ITGA9: variants seen among roughly 807,000 people sequenced by gnomAD.
ITGA9 encodes the protein integrin alpha-9.
ITGA9 carries 56 observed loss-of-function variants against 127.8 expected under a neutral mutation model. The ratio of observed to expected loss-of-function variants is 0.44; its 90% CI spans 0.35 to 0.55. The LOEUF (loss-of-function observed/expected upper bound fraction) is 0.55. Ranked by LOEUF, ITGA9 falls within the 20% of genes least tolerant of loss-of-function variation. ITGA9 has a pLI of 0.00. For synonymous variants in ITGA9, 508 were observed against 514.5 expected, an observed-to-expected ratio of 0.99 and a Z score of 0.17; for missense variants, 1,196 against 1,347.1, an observed-to-expected ratio of 0.89 and a Z score of 1.76.
intron 18 of ITGA9, among the ~76,000 whole-genome samples, chr3:37,701,610 C>T (rs1425977139): frequency 1.3e-5 from 2 of 152,096 alleles, no homozygotes; most frequent in African/African-American, 2.4e-5. Context: ...ACACTTCTGG[C>T]CTGTTGTTTG....
chr3:37,475,903 T>G (rs1283177250), intron 3 of ITGA9, among the ~76,000 whole-genome samples: 3 of 152,384 alleles, frequency 2.0e-5, no homozygotes, highest in Non-Finnish European at 1.5e-5. Context: ...TGTATTTCTA[T>G]TAAGAGTTTG....
chr3:37,526,766 G>A (rs1699097444), intron 13 of ITGA9, among the ~76,000 whole-genome samples: 1 of 152,226 alleles, frequency 6.6e-6, no homozygotes, highest in Non-Finnish European at 1.5e-5. Context: ...TAACCTGATG[G>A]CAGAACTTTC....
chr3:37,542,612 C>A, intron 15 of ITGA9, 27 bp downstream of exon 15: 1 of 1,612,472 alleles, frequency 6.2e-7, no homozygotes, highest in South Asian at 1.1e-5. Flanking sequence ...TTTTTATCCT[C>A]AAACTTTGAT....
At chr3:37,558,382 C>T (rs541149426) in intron 15 of ITGA9, among the ~76,000 whole-genome samples, 1 of 152,288 alleles carries the variant, frequency 6.6e-6, no homozygotes, top group South Asian at 2.1e-4. Flanking sequence ...GCCCTGTCCT[C>T]CAACAGCTCA....
intron 15 of ITGA9, among the ~76,000 whole-genome samples, chr3:37,623,693 G>C (rs11715874): frequency 0.026 from 426 of 16,422 alleles, 4 homozygotes; most frequent in African/African-American, 0.068. Context: ...GTGTGTGTCT[G>C]TGTGTGTGTG....
At chr3:37,665,044 C>T (rs569846645) in intron 17 of ITGA9, among the ~76,000 whole-genome samples, 31 of 149,734 alleles carry the variant, frequency 2.1e-4, no homozygotes, top group African/African-American at 6.9e-4. Context: ...GTGATCTCAG[C>T]TCGCTGCAAC....
intron 15 of ITGA9, among the ~76,000 whole-genome samples, chr3:37,624,188 A>G (rs1377781068): frequency 6.9e-6 from 1 of 145,188 alleles, no homozygotes; most frequent in African/African-American, 2.5e-5. Context: ...TAGCTAAGGA[A>G]GAAAAAAAAC....
intron 15 of ITGA9, among the ~76,000 whole-genome samples, chr3:37,613,826 G>A (rs1030960699): frequency 4.6e-5 from 7 of 152,182 alleles, no homozygotes; most frequent in East Asian, 1.9e-4. Context: ...TTTTCTTCTT[G>A]TAAATTTGTT....
intron 16 of ITGA9, among the ~76,000 whole-genome samples, chr3:37,644,933 T>C (rs866776024): frequency 2.3e-4 from 35 of 152,314 alleles, no homozygotes; most frequent in African/African-American, 8.2e-4. Flanking sequence ...TTTTCCTTCC[T>C]TCGTTTAGGC....
At chr3:37,469,923 G>T (rs1698410108) in intron 1 of ITGA9, among the ~76,000 whole-genome samples, 1 of 152,110 alleles carries the variant, frequency 6.6e-6, no homozygotes, top group Non-Finnish European at 1.5e-5. Context: ...AGCCTCTCAA[G>T]CAGCTGGGAT....
chr3:37,477,074 A>G (rs529820698), intron 3 of ITGA9, among the ~76,000 whole-genome samples: 2 of 152,322 alleles, frequency 1.3e-5, no homozygotes, highest in South Asian at 4.2e-4. Context: ...GTCCCTATTT[A>G]CATTTGGAGG....
chr3:37,649,544 C>T (rs893633645), intron 16 of ITGA9, among the ~76,000 whole-genome samples: 3 of 152,160 alleles, frequency 2.0e-5, no homozygotes, highest in African/African-American at 7.2e-5. Flanking sequence ...TAAATGCACC[C>T]AGCATCAGAG....
chr3:37,508,530 A>G, intron 7 of ITGA9, 29 bp from the exon 8 acceptor site: 1 of 1,558,892 alleles, frequency 6.4e-7, no homozygotes, highest in African/African-American at 1.4e-5. Context: ...ATTTCATCCT[A>G]ACTAGATTTT....
intron 27 of ITGA9, chr3:37,818,316 G>GGC (rs1697466421): frequency 7.5e-6 from 1 of 134,072 alleles, no homozygotes; most frequent in Non-Finnish European, 1.5e-5. Context: ...CTGGAGTGCA[G>GGC]TGGTGGCACG....
Position 37,471,098 on chromosome 3 carries a change from C to A in ITGA9, c.277C>A (p.Pro93Thr), listed in dbSNP as rs1355404487. The change falls in exon 2 of 28, where the codon CCT becomes ACT. Residue 93 changes from proline (P) to threonine (T), a missense_variant. Coordinates refer to ENST00000264741, the MANE Select transcript of ITGA9 (RefSeq NM_002207.3). ...AVFKCRVHTN[P>T]DRRCTELDMA... ...GTTTAAGTGCCGTGTTCACACCAACCCTGACCGGAGATGCACCGAACTGGA... is the reference window on the plus strand; with the variant it reads ...GTTTAAGTGCCGTGTTCACACCAACACTGACCGGAGATGCACCGAACTGGA... The A allele has an allele frequency of 3.1e-6, 5 of 1,613,946 alleles. No individual in the cohort carries two copies. In the African/African-American group the frequency reaches 4.0e-5, roughly 13 times the overall value.
intron 23 of ITGA9, among the ~76,000 whole-genome samples, chr3:37,766,957 G>C (rs1696787211): frequency 1.3e-5 from 2 of 152,218 alleles, no homozygotes; most frequent in Admixed American, 1.3e-4. Context: ...CCATGCCTGG[G>C]AAATGGGCTT....
At chr3:37,571,681 GGACCACACTCTGA>G (rs892839306) in intron 15 of ITGA9, among the ~76,000 whole-genome samples, 1 of 152,072 alleles carries the variant, frequency 6.6e-6, no homozygotes, top group Non-Finnish European at 1.5e-5. Context: ...GCTGGTCCTG[GGACCACACTCTGA>G]GATACAGTAA....
chr3:37,542,711 C>G, intron 15 of ITGA9, 126 bp downstream of exon 15: 1 of 939,254 alleles, frequency 1.1e-6, no homozygotes, highest in Non-Finnish European at 1.7e-6. Flanking sequence ...CAGGGAGGAG[C>G]ATATCCATTT....
chr3:37,503,416 G>A (rs572400926), intron 6 of ITGA9, 109 bp downstream of exon 6: 16 of 1,252,930 alleles, frequency 1.3e-5, no homozygotes, highest in African/African-American at 1.5e-5. Flanking sequence ...TGGCTTTGAC[G>A]CCTGTTGTTC....
Sources: gnomAD v4.1 joint callset for allele counts (sites outside exome capture counted in the v4.1 genomes callset) on GRCh38, gnomAD v4.1.1 for gene constraint, MANE v1.5 for transcripts, NCBI Gene and HGNC (gene_info 2026-07-23, HGNC 2026-07-21) for gene names.